The following PTPN14 variants were observed in gnomAD, a reference collection of about 807,000 sequenced individuals.
PTPN14 encodes the protein tyrosine-protein phosphatase non-receptor type 14.
A neutral mutation model predicts 126.8 loss-of-function variants in PTPN14; 53 were observed. The ratio of observed to expected loss-of-function variants is 0.42; its 90% CI spans 0.34 to 0.53. PTPN14 has a LOEUF of 0.53. PTPN14 is among the 20% of genes least tolerant of loss of function. PTPN14 has a pLI of 0.08. For missense variants in PTPN14, 1,257 were observed against 1,552.9 expected, an observed-to-expected ratio of 0.81 and a Z score of 3.20; for synonymous variants, 630 against 599.3, an observed-to-expected ratio of 1.05 and a Z score of -0.75.
Position 214,451,906 on chromosome 1 carries a change from A to T in PTPN14, c.243T>A (p.Pro81=). ...QQARWVELEK[P]LKKHLDKFAN... is the part of the protein sequence containing the mutation. ...CGAATTTGTCCAGATGTTTCTTCAG[A>T]GGTTTCTCCAGCTCCACCCATCGTG... The change falls in exon 3 of 19, where the codon CCT becomes CCA. Residue 81 remains proline (P), a synonymous_variant. Transcript: ENST00000366956. 6.2e-7 allele frequency: 1 copy of T among 1,614,244 alleles called. No individual in the cohort carries two copies. Among genetic ancestry groups the T allele is most frequent in the South Asian group, 1.1e-5 (1 of 91,088 alleles).
chr1:214,545,031 T>C (rs1295673536), intron 1 of PTPN14, among the ~76,000 whole-genome samples: 1 of 151,366 alleles, frequency 6.6e-6, no homozygotes, highest in Non-Finnish European at 1.5e-5. Flanking sequence ...GAGAAGAGAA[T>C]TAAACACCAC....
chr1:214,350,083 G>C lies in PTPN14; in HGVS notation c.*7839C>G, dbSNP rs745716153. 6.6e-6 allele frequency: 1 copy of C among 152,244 alleles called. No individual in the cohort carries two copies. The highest frequency in any genetic ancestry group is 1.5e-5 in the Non-Finnish European group (1 of 68,048). 9.4% of individuals were successfully genotyped at this position (152,244 alleles called of 1,614,324 possible). On this transcript the variant is annotated 3_prime_UTR_variant, in exon 19 of 19. Coordinates refer to ENST00000366956, the MANE Select transcript of PTPN14 (RefSeq NM_005401.5). ...CCTTTTGTCAGATGAGATAGCATTT[G>C]TGTTTCCCAGGAGGAGAAGGTTGGG...
intron 11 of PTPN14, among the ~76,000 whole-genome samples, chr1:214,389,173 G>C (rs1200102682): frequency 1.3e-5 from 2 of 152,164 alleles, no homozygotes; most frequent in Non-Finnish European, 2.9e-5. Context: ...GGAGGGATTT[G>C]TACAAGGGAA....
At chr1:214,496,767 CTT>C (rs1460735619) in intron 1 of PTPN14, among the ~76,000 whole-genome samples, 3 of 138,582 alleles carry the variant, frequency 2.2e-5, no homozygotes, top group Non-Finnish European at 5.0e-5. Context: ...TCAGTTTTAA[CTT>C]AATATCTAAT....
chr1:214,493,450 T>C (rs1432900653), intron 1 of PTPN14, among the ~76,000 whole-genome samples: 1 of 152,226 alleles, frequency 6.6e-6, no homozygotes, highest in African/African-American at 2.4e-5. Flanking sequence ...TTCCATGATG[T>C]GATTATTATG....
chr1:214,488,311 G>A (rs1661160042), intron 1 of PTPN14, among the ~76,000 whole-genome samples: 1 of 152,172 alleles, frequency 6.6e-6, no homozygotes, highest in Non-Finnish European at 1.5e-5. Context: ...CACGTACCTT[G>A]TAGGGGCCAG....
chr1:214,387,062 C>T, intron 11 of PTPN14, 140 bp from the exon 12 acceptor site: 2 of 686,672 alleles, frequency 2.9e-6, no homozygotes, highest in Non-Finnish European at 5.0e-6. Context: ...ACCCCTTTGA[C>T]TCAACCTTCT....
chr1:214,423,830 A>T (rs897646380), intron 3 of PTPN14, among the ~76,000 whole-genome samples: 6 of 151,852 alleles, frequency 4.0e-5, no homozygotes, highest in African/African-American at 1.5e-4. Flanking sequence ...AAAATACAAA[A>T]ATTAGCCAGG....
At chr1:214,547,639 T>G (rs1656004602) in intron 1 of PTPN14, among the ~76,000 whole-genome samples, 1 of 152,244 alleles carries the variant, frequency 6.6e-6, no homozygotes, top group South Asian at 2.1e-4. Flanking sequence ...GCTTTTGTAC[T>G]CTAGTTAAAG....
chr1:214,491,951 T>C (rs1018293859), intron 1 of PTPN14, among the ~76,000 whole-genome samples: 3 of 152,160 alleles, frequency 2.0e-5, no homozygotes, highest in Non-Finnish European at 1.5e-5. Flanking sequence ...ATCTCACAAA[T>C]ACAGCACTTA....
intron 1 of PTPN14, among the ~76,000 whole-genome samples, chr1:214,544,884 T>C (rs1342416818): frequency 1.8e-5 from 2 of 113,012 alleles, no homozygotes; most frequent in South Asian, 2.9e-4. Context: ...GAAGGGGAGG[T>C]GAGAAAGAGA....
At chr1:214,449,516 C>T (rs1458104665) in intron 3 of PTPN14, among the ~76,000 whole-genome samples, 2 of 152,174 alleles carry the variant, frequency 1.3e-5, no homozygotes, top group Non-Finnish European at 2.9e-5. Context: ...TCACTCATTA[C>T]CTTGCACTTA....
At chr1:214,544,853 TGA>T (rs1286597486) in intron 1 of PTPN14, among the ~76,000 whole-genome samples, 1 of 122,800 alleles carries the variant, frequency 8.1e-6, no homozygotes, top group African/African-American at 3.1e-5. Flanking sequence ...GAAGAGGAGG[TGA>T]GAGAGAAAAA....
chr1:214,376,430 G>A lies in PTPN14; in HGVS notation c.2696C>T (p.Thr899Ile), dbSNP rs769484147. 2 of 1,611,092 alleles carry A rather than the reference G, an allele frequency of 1.2e-6. No individual in the cohort carries two copies. Among genetic ancestry groups the A allele is most frequent in the Non-Finnish European group, 8.5e-7 (1 of 1,177,560 alleles). ...TRVPMDERFRTLKKKLEEGMV... is the reference protein window; with the variant it reads ...TRVPMDERFRILKKKLEEGMV... ...TCCCTCTTCTAGTTTCTTCTTCAGG[G>A]TTCTGAACTGCAACAGAAATTGATC... The change falls in exon 15 of 19, where the codon ACC (threonine) becomes ATC (isoleucine). Residue 899 changes from threonine (T) to isoleucine (I), a missense_variant. Thr to Ile is a moderately conservative substitution (Grantham distance 89). This residue lies in a region of PTPN14 where 1,021 missense variants were observed against 1,183.3 expected (regional missense o/e 0.86). Coordinates refer to ENST00000366956, the MANE Select transcript of PTPN14 (RefSeq NM_005401.5).
chr1:214,520,065 A>AAAAAAAAAAAAAAAAAAAAAT, intron 1 of PTPN14, among the ~76,000 whole-genome samples: 1 of 71,142 alleles, frequency 1.4e-5, no homozygotes, highest in Non-Finnish European at 2.4e-5. Flanking sequence ...AAAAAAAAAA[A>AAAAAAAAAAAAAAAAAAAAAT]ATATATATAT....
chr1:214,522,610 AAC>A (rs1172881705), intron 1 of PTPN14, among the ~76,000 whole-genome samples: 1 of 152,188 alleles, frequency 6.6e-6, no homozygotes, highest in African/African-American at 2.4e-5. Context: ...CAGCGTAAAA[AAC>A]AGTTAACATT....
chr1:214,514,314 C>T (rs544815770), intron 1 of PTPN14, among the ~76,000 whole-genome samples: 108 of 152,166 alleles, frequency 7.1e-4, no homozygotes, highest in African/African-American at 2.4e-3. Context: ...CATGAAGCCA[C>T]GACTATGATT....
chr1:214,425,619 C>T (rs941640832), intron 3 of PTPN14, among the ~76,000 whole-genome samples: 1 of 152,118 alleles, frequency 6.6e-6, no homozygotes, highest in East Asian at 1.9e-4. Flanking sequence ...CAATTACATA[C>T]TGGCTGAAAG....
At chr1:214,448,397 ATT>A (rs34637675) in intron 3 of PTPN14, among the ~76,000 whole-genome samples, 6,529 of 133,478 alleles carry the variant, frequency 0.049, 353 homozygotes, top group African/African-American at 0.15. Context: ...AGCCGGGCTA[ATT>A]TTTTTTTTTT....
Sources: allele counts gnomAD v4.1 joint callset (sites outside exome capture counted in the v4.1 genomes callset), GRCh38; gene constraint gnomAD v4.1.1; regional missense constraint gnomAD v4.1.1; transcripts MANE v1.5; gene names NCBI Gene and HGNC (gene_info 2026-07-23, HGNC 2026-07-21).